The following STON2 variants were observed in gnomAD, a reference collection of about 807,000 sequenced individuals.
STON2 encodes the protein stonin 2, also known as stonin-2.
A neutral mutation model predicts 65.7 loss-of-function variants in STON2; 29 were observed. The ratio of observed to expected loss-of-function variants is 0.44; its 90% CI spans 0.33 to 0.60. STON2 has a LOEUF of 0.60. STON2 is among the 20% of genes least tolerant of loss of function. STON2 has a pLI of 0.03. For missense variants in STON2, 1,054 were observed against 1,118.1 expected (o/e 0.94, Z 0.82); for synonymous variants, 404 against 414.2 (o/e 0.98, Z 0.30).
Position 81,261,944 on chromosome 14 carries a change from T to TA in STON2, c.*6469dup, listed in dbSNP as rs753081402. 106,140 of 1,168,624 alleles carry TA rather than the reference T, an allele frequency of 0.091. 641 individuals are homozygous for TA. The highest frequency in any genetic ancestry group is 0.19 in the African/African-American group (10,239 of 53,856). 72.4% of individuals were successfully genotyped at this position (1,168,624 alleles called of 1,614,324 possible). A position where few individuals can be genotyped will look rare whatever the true frequency, so the allele number is the denominator to read the frequency against. The stretch of plus-strand genomic sequence containing the variant: ...CTGTTTCTGTTGTCTGGGGAAATGA[T>TA]AAAAAAAAAAAAAAAAAAGAGAGAG... On this transcript the variant is annotated 3_prime_UTR_variant, in exon 8 of 8. Coordinates refer to ENST00000614646, the MANE Select transcript of STON2 (RefSeq NM_001394390.1).
chr14:81,351,375 T>C (rs1428380084), intron 4 of STON2, among the ~76,000 whole-genome samples: 1 of 152,126 alleles, frequency 6.6e-6, no homozygotes, highest in Non-Finnish European at 1.5e-5. Context: ...GGTAGGGAGA[T>C]AACATCCATG....
intron 5 of STON2, among the ~76,000 whole-genome samples, chr14:81,293,516 G>A (rs947552303): frequency 6.6e-6 from 1 of 152,074 alleles, no homozygotes; most frequent in African/African-American, 2.4e-5. Context: ...GCCATCTGTG[G>A]GAGATAACAA....
rs987904269 is a variant in STON2 at position 81,262,569 on chromosome 14, C to T, written c.*5845G>A. The T allele has an allele frequency of 2.0e-6, 2 of 985,342 alleles. No homozygotes were observed. The highest frequency in any genetic ancestry group is 2.4e-6 in the Non-Finnish European group (2 of 829,892). The allele number at this position is 985,342 out of a possible 1,614,324, so 61.0% of individuals were successfully genotyped here. On this transcript the variant is annotated 3_prime_UTR_variant, in exon 8 of 8. Coordinates refer to ENST00000614646, the MANE Select transcript of STON2 (RefSeq NM_001394390.1). ...GATTTTACTTTTTCATATTGAAATT[C>T]TTTTTTTAGTCTATTCTCTTGTAGC...
At chr14:81,357,246 A>T (rs920482207) in intron 4 of STON2, among the ~76,000 whole-genome samples, 107 of 151,940 alleles carry the variant, frequency 7.0e-4, no homozygotes, top group Middle Eastern at 6.8e-3. Context: ...GAAGGACATG[A>T]ACAGACACTT....
In STON2 at chr14:81,396,121, G is replaced by A; in HGVS notation, c.146C>T (p.Ser49Phe). The change falls in exon 3 of 8, where the codon TCC becomes TTC. Residue 49 changes from serine to phenylalanine, a missense_variant. Transcript: ENST00000614646. ...LSSSPDQSES[S>F]SGENHVVDGG... Reference sequence around the variant, plus strand: ...ATCCACCACATGGTTCTCCCCGGAGGAGCTCTCGGACTGGTCTGGGGAAGA... The same window carrying A: ...ATCCACCACATGGTTCTCCCCGGAGAAGCTCTCGGACTGGTCTGGGGAAGA... 6.2e-7 allele frequency: 1 copy of A among 1,614,120 alleles called. No individual in the cohort carries two copies.
At chr14:81,399,984 T>C (rs547678671) in intron 1 of STON2, among the ~76,000 whole-genome samples, 8 of 152,326 alleles carry the variant, frequency 5.3e-5, no homozygotes, top group Admixed American at 1.3e-4. Context: ...CCAGGTCTTC[T>C]GCAGCCAAAA....
At chr14:81,329,454 C>CAAAAAAA (rs56370265) in intron 4 of STON2, among the ~76,000 whole-genome samples, 1 of 118,484 alleles carries the variant, frequency 8.4e-6, no homozygotes, top group African/African-American at 3.0e-5. Context: ...GACTCTGTCT[C>CAAAAAAA]AAAAAAAAAA....
intron 3 of STON2, among the ~76,000 whole-genome samples, chr14:81,389,605 A>G (rs1899983315): frequency 6.6e-6 from 1 of 152,244 alleles, no homozygotes; most frequent in Non-Finnish European, 1.5e-5. Context: ...CTGGTCACCT[A>G]GCCGCCAGCA....
At chr14:81,363,535 T>C (rs1207263951) in intron 4 of STON2, among the ~76,000 whole-genome samples, 2 of 151,806 alleles carry the variant, frequency 1.3e-5, no homozygotes, top group Non-Finnish European at 2.9e-5. Context: ...GATTAAAATC[T>C]AAAATGCACA....
intron 4 of STON2, among the ~76,000 whole-genome samples, chr14:81,369,491 A>G (rs77581128): frequency 0.016 from 2,457 of 152,280 alleles, 80 homozygotes; most frequent in African/African-American, 0.057. Context: ...TCCTTCAGTG[A>G]GGGGCCCATT....
intron 5 of STON2, among the ~76,000 whole-genome samples, chr14:81,323,327 C>T (rs542059754): frequency 6.6e-6 from 1 of 152,304 alleles, no homozygotes; most frequent in East Asian, 1.9e-4. Context: ...TCCCAGCCTC[C>T]ACCATTTGCC....
chr14:81,293,880 T>G (rs1391227079), intron 5 of STON2, among the ~76,000 whole-genome samples: 1 of 152,172 alleles, frequency 6.6e-6, no homozygotes, highest in African/African-American at 2.4e-5. Context: ...ATTGCTGATT[T>G]GCAGAATCAT....
In STON2 at chr14:81,262,223, T is replaced by C; in HGVS notation, c.*6191A>G. 1 of 985,444 alleles carries C rather than the reference T, an allele frequency of 1.0e-6. No individual in the cohort carries two copies. Among genetic ancestry groups the C allele is most frequent in the Non-Finnish European group, 1.2e-6 (1 of 829,928 alleles). 61.0% of individuals were successfully genotyped at this position (985,444 alleles called of 1,614,324 possible). ...AACATAGTGATTGTCTCCATGGCTA[T>C]GTCCTGTAAAGATTCACAGAAACCC... On this transcript the variant is annotated 3_prime_UTR_variant, in exon 8 of 8. Coordinates refer to ENST00000614646, the MANE Select transcript of STON2 (RefSeq NM_001394390.1).
intron 3 of STON2, among the ~76,000 whole-genome samples, chr14:81,391,277 G>A (rs1182097705): frequency 6.6e-6 from 1 of 152,234 alleles, no homozygotes. Flanking sequence ...GCAAACATCT[G>A]TGTTATTTCT....
chr14:81,389,750 A>C (rs1899989270), intron 3 of STON2, among the ~76,000 whole-genome samples: 1 of 152,274 alleles, frequency 6.6e-6, no homozygotes, highest in Non-Finnish European at 1.5e-5. Flanking sequence ...CCCCAGAAGT[A>C]AACGATAATT....
chr14:81,365,694 T>C (rs1898691506), intron 4 of STON2, among the ~76,000 whole-genome samples: 1 of 152,070 alleles, frequency 6.6e-6, no homozygotes, highest in South Asian at 2.1e-4. Flanking sequence ...AGGTGGAGGT[T>C]GCAGTGAGCC....
At chr14:81,407,232 C>T (rs1293789758) in intron 2 of STON2, among the ~76,000 whole-genome samples, 1 of 152,138 alleles carries the variant, frequency 6.6e-6, no homozygotes, top group Non-Finnish European at 1.5e-5. Flanking sequence ...TACTTTCTGA[C>T]TTGTGTTCAC....
chr14:81,425,765 G>A (rs999054820), intron 2 of STON2, among the ~76,000 whole-genome samples: 1 of 152,152 alleles, frequency 6.6e-6, no homozygotes, highest in Non-Finnish European at 1.5e-5. Flanking sequence ...TGCGATTCTT[G>A]TAGCAATTAC....
intron 4 of STON2, chr14:81,333,416 G>T: frequency 6.2e-6 from 2 of 324,340 alleles, no homozygotes; most frequent in East Asian, 5.9e-5. Flanking sequence ...CTTTAAATAC[G>T]TTTTTTTCAT....
Sources: gnomAD v4.1 joint callset for allele counts (sites outside exome capture counted in the v4.1 genomes callset) on GRCh38, gnomAD v4.1.1 for gene constraint, MANE v1.5 for transcripts, NCBI Gene and HGNC (gene_info 2026-07-23, HGNC 2026-07-21) for gene names.